Variants in RIMS4 observed in about 807,000 individuals in gnomAD.
RIMS4 encodes regulating synaptic membrane exocytosis 4.
A neutral mutation model predicts 29.0 loss-of-function variants in RIMS4; 9 were observed. The observed-to-expected ratio is 0.31, with a 90% CI of 0.19 to 0.54. The LOEUF is 0.54. RIMS4 is among the 20% of genes least tolerant of loss of function. The pLI, the probability that RIMS4 is intolerant of heterozygous loss-of-function variation, is 0.94. For missense variants in RIMS4, 193 were observed against 365.7 expected (o/e 0.53, Z 3.85); for synonymous variants, 130 against 152.9 (o/e 0.85, Z 1.10).
chr20:44,800,814 CCTT>C (rs1362142366), intron 1 of RIMS4, among the ~76,000 whole-genome samples: 1 of 152,136 alleles, frequency 6.6e-6, no homozygotes, highest in Non-Finnish European at 1.5e-5. Flanking sequence ...TGAACAAAGT[CCTT>C]CTCTCTTCAC....
chr20:44,756,257 G>A lies in RIMS4; in HGVS notation c.687C>T (p.Ala229=), dbSNP rs771899150. ...TGGGGAAGAGCTTGTACCAGCCCAC[G>A]GCCAGGGTGGTCAAGTCCAGCTCCT... ...LLEELDLTTL[A]VGWYKLFPTS... The change falls in exon 6 of 6, where the codon GCC becomes GCT. Residue 229 remains alanine, a synonymous_variant. Transcript: ENST00000372851. This position sits in a 1 kb window ranked among gnomAD's most constrained non-coding sequence, Gnocchi z 5.9. 50 of 1,613,874 alleles carry A rather than the reference G, an allele frequency of 3.1e-5. No homozygotes were observed. The highest frequency in any genetic ancestry group is 1.1e-4 in the African/African-American group (8 of 74,900).
intron 2 of RIMS4, among the ~76,000 whole-genome samples, chr20:44,767,372 G>C (rs555235196): frequency 6.6e-6 from 1 of 152,236 alleles, no homozygotes; most frequent in South Asian, 2.1e-4. Context: ...GGTTGACTCT[G>C]CATCCTTAAC....
chr20:44,799,578 AC>A (rs1447628146), intron 1 of RIMS4, among the ~76,000 whole-genome samples: 1 of 152,172 alleles, frequency 6.6e-6, no homozygotes, highest in African/African-American at 2.4e-5. Context: ...TCATTAGAGG[AC>A]CCAATTAGTG....
chr20:44,789,748 T>C (rs2066224909), intron 1 of RIMS4, among the ~76,000 whole-genome samples: 2 of 152,134 alleles, frequency 1.3e-5, no homozygotes, highest in Admixed American at 1.3e-4. Context: ...GAGATGGTGG[T>C]CTTGCTATGT....
At chr20:44,794,726 T>G (rs1219044704) in intron 1 of RIMS4, among the ~76,000 whole-genome samples, 1 of 152,172 alleles carries the variant, frequency 6.6e-6, no homozygotes, top group African/African-American at 2.4e-5. Flanking sequence ...GGTGCCACAC[T>G]GCTGACTTTT....
chr20:44,805,070 C>T (rs1041314840), intron 1 of RIMS4, among the ~76,000 whole-genome samples: 20 of 151,948 alleles, frequency 1.3e-4, no homozygotes, highest in Admixed American at 7.9e-4. Flanking sequence ...GAGTCCAAGA[C>T]GGGAGGATCG....
At chr20:44,799,625 C>T (rs1004121219) in intron 1 of RIMS4, among the ~76,000 whole-genome samples, 3 of 152,206 alleles carry the variant, frequency 2.0e-5, no homozygotes, top group Non-Finnish European at 1.5e-5. Flanking sequence ...TTTCCACCCA[C>T]TCTCAGGGTG....
At chr20:44,761,014 G>C (rs535552266) in intron 2 of RIMS4, among the ~76,000 whole-genome samples, 4 of 152,226 alleles carry the variant, frequency 2.6e-5, no homozygotes, top group Non-Finnish European at 2.9e-5. Context: ...CCCTGGGCCT[G>C]TTCTAGAAAT....
At chr20:44,758,007 C>G (rs1024520437) in intron 3 of RIMS4, 65 bp downstream of exon 3, 1 of 1,222,182 alleles carries the variant, frequency 8.2e-7, no homozygotes, top group Non-Finnish European at 1.2e-6. Context: ...GAGGGAGAGA[C>G]GCTGAGCTTC....
At chr20:44,758,645 T>C (rs1882249761) in intron 2 of RIMS4, among the ~76,000 whole-genome samples, 1 of 151,976 alleles carries the variant, frequency 6.6e-6, no homozygotes, top group South Asian at 2.1e-4. Context: ...CACAGTGGGG[T>C]GGAGGGAACA....
In RIMS4 at chr20:44,754,274, A is replaced by G. The variant is rs928329134; in HGVS notation, c.*1860T>C. On this transcript the variant is annotated 3_prime_UTR_variant, in exon 6 of 6. Transcript: ENST00000372851. ...GGGGGCGTCTCCATCTCCCCTTCCC[A>G]GTGCAGGGTAAGCAGCTCTGTGGAG... The G allele has an allele frequency of 6.5e-6, 1 of 153,646 alleles. No homozygotes were observed. Among genetic ancestry groups the G allele is most frequent in the Non-Finnish European group, 1.5e-5 (1 of 68,552 alleles). 9.5% of individuals were successfully genotyped at this position (153,646 alleles called of 1,614,324 possible).
At chr20:44,808,084 A>T (rs73123580) in intron 1 of RIMS4, among the ~76,000 whole-genome samples, 1 of 144,534 alleles carries the variant, frequency 6.9e-6, no homozygotes, top group Non-Finnish European at 1.5e-5. Context: ...GTGTGTGTGT[A>T]TATATATATA....
chr20:44,799,817 G>A (rs187484127), intron 1 of RIMS4, among the ~76,000 whole-genome samples: 1 of 152,330 alleles, frequency 6.6e-6, no homozygotes, highest in Admixed American at 6.5e-5. Context: ...CAGGCCAATT[G>A]AGATTGCTCT....
intron 1 of RIMS4, among the ~76,000 whole-genome samples, chr20:44,772,837 C>G (rs867656689): frequency 1.2e-4 from 19 of 152,166 alleles, no homozygotes; most frequent in Admixed American, 8.5e-4. Context: ...GCTGGGCCTG[C>G]GTACAGGAGC....
intron 1 of RIMS4, among the ~76,000 whole-genome samples, chr20:44,776,200 T>G (rs1303356100): frequency 2.0e-5 from 3 of 152,158 alleles, no homozygotes; most frequent in Non-Finnish European, 4.4e-5. Context: ...GGAGGATCGC[T>G]TGAGCTTGGG....
At chr20:44,807,871 C>T (rs989894382) in intron 1 of RIMS4, among the ~76,000 whole-genome samples, 2 of 152,062 alleles carry the variant, frequency 1.3e-5, no homozygotes, top group Non-Finnish European at 2.9e-5. Flanking sequence ...ACAGTGAGCA[C>T]AAGATGCCCA....
chr20:44,769,063 CCA>C (rs1438351603), intron 2 of RIMS4, among the ~76,000 whole-genome samples: 3 of 152,168 alleles, frequency 2.0e-5, no homozygotes, highest in Admixed American at 2.0e-4. Flanking sequence ...TTCCCCAAAG[CCA>C]CACAGCTACT....
chr20:44,799,585 T>G (rs530835362), intron 1 of RIMS4, among the ~76,000 whole-genome samples: 13 of 152,236 alleles, frequency 8.5e-5, no homozygotes, highest in African/African-American at 2.6e-4. Flanking sequence ...AGGACCCAAT[T>G]AGTGAGTGCA....
intron 2 of RIMS4, among the ~76,000 whole-genome samples, chr20:44,763,565 G>A (rs2066095249): frequency 6.6e-6 from 1 of 152,242 alleles, no homozygotes; most frequent in Non-Finnish European, 1.5e-5. Context: ...CCAGGGACGT[G>A]TGCCACTTGG....
Sources: gnomAD v4.1 joint callset for allele counts (sites outside exome capture counted in the v4.1 genomes callset) on GRCh38, gnomAD v4.1.1 for gene constraint, Gnocchi (gnomAD v3.1) non-coding constraint, MANE v1.5 for transcripts, NCBI Gene and HGNC (gene_info 2026-07-23, HGNC 2026-07-21) for gene names.